Variants in ZNF75D observed in about 807,000 individuals in gnomAD.
ZNF75D encodes the protein zinc finger protein 75.
Under a neutral mutation model 33.3 loss-of-function variants are expected in ZNF75D, and 33 were observed. The observed-to-expected ratio is 0.99, with a 90% CI of 0.75 to 1.32. ZNF75D has a LOEUF of 1.32. ZNF75D is among the 40% of genes most tolerant of loss of function. The pLI is 0.00. For synonymous variants in ZNF75D, 113 were observed against 130.6 expected, an observed-to-expected ratio of 0.87 and a Z score of 0.92; for missense variants, 338 against 367.5, an observed-to-expected ratio of 0.92 and a Z score of 0.66.
intron 1 of ZNF75D, among the ~76,000 whole-genome samples, chrX:135,265,587 C>T (rs2083860211): frequency 8.9e-6 from 1 of 111,793 alleles, no homozygotes; most frequent in Non-Finnish European, 1.9e-5. Context: ...TAAAGTTTTA[C>T]CCTAGAATAA....
chrX:135,311,507 T>A (rs1419830), intron 1 of ZNF75D, among the ~76,000 whole-genome samples: 59 of 112,761 alleles, frequency 5.2e-4, no homozygotes, highest in African/African-American at 1.8e-3. Flanking sequence ...GCTAATTATA[T>A]GCTTATCATT....
At chrX:135,314,979 T>A (rs782464702) in intron 1 of ZNF75D, among the ~76,000 whole-genome samples, 44 of 112,076 alleles carry the variant, frequency 3.9e-4, no homozygotes, top group African/African-American at 1.4e-3. Context: ...TAGTTTAAGT[T>A]TCTTTACTTC....
chrX:135,260,893 G>C (rs2083838117), intron 1 of ZNF75D, among the ~76,000 whole-genome samples: 1 of 111,560 alleles, frequency 9.0e-6, no homozygotes, highest in African/African-American at 3.3e-5. Flanking sequence ...GTGATGTTAG[G>C]GTGTCGATTT....
chrX:135,308,719 G>A (rs1480239026), intron 1 of ZNF75D, among the ~76,000 whole-genome samples: 1 of 111,770 alleles, frequency 8.9e-6, no homozygotes, highest in African/African-American at 3.3e-5. Context: ...TATCAGAGGC[G>A]AGTACAATCT....
intron 1 of ZNF75D, among the ~76,000 whole-genome samples, chrX:135,317,835 T>C (rs1342444104): frequency 2.7e-5 from 3 of 110,554 alleles, no homozygotes; most frequent in Non-Finnish European, 5.7e-5. Flanking sequence ...CTTGATGATA[T>C]GTACAGGTGC....
At chrX:135,302,680 G>A (rs1370314229) in intron 1 of ZNF75D, among the ~76,000 whole-genome samples, 11 of 111,856 alleles carry the variant, frequency 9.8e-5, no homozygotes, top group Non-Finnish European at 1.9e-5. Context: ...CAAAAGGGAA[G>A]GAGTATAATG....
intron 1 of ZNF75D, among the ~76,000 whole-genome samples, chrX:135,303,677 C>A (rs1230811443): frequency 8.9e-6 from 1 of 112,474 alleles, no homozygotes; most frequent in African/African-American, 3.2e-5. Context: ...GACACAGTAA[C>A]AATCTGATCT....
rs1164553515 is a variant in ZNF75D at position 135,291,069 on chromosome X, G to C, written c.763C>G (p.Leu255Val). 16 of 1,207,641 alleles carry C rather than the reference G, an allele frequency of 1.3e-5. No homozygotes were observed. Among genetic ancestry groups the C allele is most frequent in the Non-Finnish European group, 1.7e-5 (15 of 891,547 alleles). ...ACATCATTGTAGAGAGTCTTCTCAA[G>C]AGGATTCAATAATTGCCACTCTTCC... ...SEEEWQLLNP[L>V]EKTLYNDVMQ... The change falls in exon 6 of 7, where the codon CTT becomes GTT. Residue 255 changes from leucine to valine, a missense_variant. Physicochemically the swap from Leu to Val is conservative, Grantham distance 32. This residue lies in a region of ZNF75D where 254 missense variants were observed against 267.7 expected (regional missense o/e 0.95). Coordinates refer to ENST00000370766, the MANE Select transcript of ZNF75D (RefSeq NM_007131.5).
At chrX:135,323,298 C>T (rs886686985) in intron 1 of ZNF75D, among the ~76,000 whole-genome samples, 2 of 111,895 alleles carry the variant, frequency 1.8e-5, no homozygotes, top group Non-Finnish European at 3.8e-5. Context: ...GGGCTTAAGT[C>T]GGGTTTGAAT....
intron 5 of ZNF75D, 105 bp downstream of exon 5, chrX:135,291,367 A>G: frequency 1.0e-6 from 1 of 990,773 alleles, no homozygotes; most frequent in Non-Finnish European, 1.4e-6. Context: ...TGGGGCTAAA[A>G]TGCCTCAAAG....
At chrX:135,318,070 G>GATATATAT (rs1556432533) in intron 1 of ZNF75D, among the ~76,000 whole-genome samples, 9 of 92,276 alleles carry the variant, frequency 9.8e-5, no homozygotes, top group Non-Finnish European at 1.7e-4. Flanking sequence ...GCAATGGCTT[G>GATATATAT]ATATATATAT....
At chrX:135,273,262 A>G (rs1276107101) in intron 1 of ZNF75D, among the ~76,000 whole-genome samples, 2 of 111,093 alleles carry the variant, frequency 1.8e-5, no homozygotes, top group Admixed American at 9.6e-5. Context: ...GGCTGGGGCC[A>G]CTCTGAAGGA....
intron 2 of ZNF75D, chrX:135,253,109 TAGC>T (rs1264907008): frequency 3.7e-6 from 1 of 272,829 alleles, no homozygotes; most frequent in Non-Finnish European, 6.3e-6. Context: ...CTACTGCTGG[TAGC>T]AGTGTGTGTG....
intron 1 of ZNF75D, among the ~76,000 whole-genome samples, chrX:135,302,165 A>G (rs959345434): frequency 8.9e-6 from 1 of 112,260 alleles, no homozygotes. Flanking sequence ...AAGCAAACAC[A>G]TATGTTACAT....
At chrX:135,337,828 A>C (rs1254344482) in intron 1 of ZNF75D, among the ~76,000 whole-genome samples, 1 of 111,282 alleles carries the variant, frequency 9.0e-6, no homozygotes, top group African/African-American at 3.3e-5. Flanking sequence ...GGCCAGTAGG[A>C]TGAGGGCGTC....
At chrX:135,319,516 C>T (rs1337888501) in intron 1 of ZNF75D, among the ~76,000 whole-genome samples, 9 of 111,842 alleles carry the variant, frequency 8.0e-5, no homozygotes, top group African/African-American at 2.9e-4. Context: ...AAACTCTCTC[C>T]TTTGTAATAA....
rs782070987 is a variant in ZNF75D, at chrX:135,343,410, G to GC, written c.-2034dup. ...ATAGTCAGGAACTCCTCCAACACCA[G>GC]CAACTCCAGAATCTGCTCCATGGAG... On this transcript the variant is annotated 5_prime_UTR_variant, in exon 1 of 7. An upstream open reading frame in the 5' UTR loses its in-frame stop. Coordinates refer to ENST00000370766, the MANE Select transcript of ZNF75D (RefSeq NM_007131.5). 9.4e-4 allele frequency: 132 copies of GC among 141,146 alleles called. 1 individual carries two copies. Among genetic ancestry groups the GC allele is most frequent in the Middle Eastern group, 4.1e-3 (1 of 244 alleles). 11.6% of individuals were successfully genotyped at this position (141,146 alleles called of 1,213,427 possible).
chrX:135,312,327 G>A (rs918112624), intron 1 of ZNF75D, among the ~76,000 whole-genome samples: 2 of 111,019 alleles, frequency 1.8e-5, no homozygotes, highest in African/African-American at 6.6e-5. Flanking sequence ...CATGGATTGC[G>A]GAATTTTTTA....
intron 1 of ZNF75D, among the ~76,000 whole-genome samples, chrX:135,258,550 G>A (rs1556414871): frequency 9.0e-6 from 1 of 111,726 alleles, no homozygotes; most frequent in Non-Finnish European, 1.9e-5. Flanking sequence ...GACCAATGAT[G>A]AGGAGCTTTT....
Sources: gnomAD v4.1 joint callset for allele counts (sites outside exome capture counted in the v4.1 genomes callset) on GRCh38, gnomAD v4.1.1 for gene constraint, gnomAD v4.1.1 regional missense constraint, MANE v1.5 for transcripts, NCBI Gene and HGNC (gene_info 2026-07-23, HGNC 2026-07-21) for gene names.